The following CFAP100 variants were observed in gnomAD, a reference collection of about 807,000 sequenced individuals.
The protein encoded by CFAP100 is cilia and flagella associated protein 100.
Under a neutral mutation model 81.5 loss-of-function variants are expected in CFAP100, and 70 were observed. The ratio of observed to expected loss-of-function variants is 0.86; its 90% CI spans 0.71 to 1.05. The LOEUF is 1.05. Ranked by LOEUF, CFAP100 falls within the 50% of genes least tolerant of loss-of-function variation. The probability of loss-of-function intolerance (pLI) is 0.00; values close to 1 mark genes in which losing one functional copy is unlikely to be tolerated. For missense variants in CFAP100, 811 were observed against 776.5 expected (o/e 1.04, Z -0.53); for synonymous variants, 341 against 314.8 (o/e 1.08, Z -0.88).
rs1321830720 is a variant in CFAP100 at position 126,420,239 on chromosome 3, C to T, written c.1082+10C>T. Reference sequence around the variant, plus strand: ...GTGGCGACTCCAGAGGGTGAGTGGGCTCGGGTGGTTGGGAGGGGCTGAGGC... The same window carrying T: ...GTGGCGACTCCAGAGGGTGAGTGGGTTCGGGTGGTTGGGAGGGGCTGAGGC... On this transcript the variant is annotated intron_variant, in intron 11 of 16. Coordinates refer to ENST00000352312, the MANE Select transcript of CFAP100 (RefSeq NM_182628.3). 1.2e-6 allele frequency: 2 copies of T among 1,610,018 alleles called. No individual in the cohort carries two copies. Among genetic ancestry groups the T allele is most frequent in the Admixed American group, 3.3e-5 (2 of 59,782 alleles).
At chr3:126,399,986 G>T (rs962081411) in intron 2 of CFAP100, among the ~76,000 whole-genome samples, 1 of 152,088 alleles carries the variant, frequency 6.6e-6, no homozygotes, top group African/African-American at 2.4e-5. Context: ...CCGGCTCAGC[G>T]GCTGGCCATT....
At position 126,433,095 on chromosome 3, in the gene CFAP100, A is replaced by G. The variant is rs758348156; in HGVS notation, c.1313A>G (p.Gln438Arg). The change falls in exon 14 of 17, where the codon CAG becomes CGG. Residue 438 changes from glutamine to arginine, a missense_variant. By Grantham distance (43) the Gln-to-Arg change is conservative (BLOSUM62 1). Transcript: ENST00000352312. ...RMDREVNQLK[Q>R]WVTTMMMSIT... is the part of the protein sequence containing the mutation. ...GACAGGGAGGTCAACCAGCTGAAGCAGTGGGTCACCACAATGATGATGTCC... is the reference window on the plus strand; with the variant it reads ...GACAGGGAGGTCAACCAGCTGAAGCGGTGGGTCACCACAATGATGATGTCC... The G allele has an allele frequency of 2.5e-6, 4 of 1,614,064 alleles. No individual in the cohort carries two copies. The East Asian group carries it at 6.7e-5, about 27-fold the overall frequency.
Position 126,434,263 on chromosome 3 carries a change from G to A in CFAP100, c.1510G>A (p.Val504Met), listed in dbSNP as rs778286422. The part of the protein sequence containing the change: ...GTQQEANLGT[V>M]QMLTIIEHQL... ...CCAGCAGGAGGCCAACCTGGGCACC[G>A]TGCAGATGCTGACCATCATTGAGCA... The change falls in exon 15 of 17, where the codon GTG becomes ATG. Residue 504 changes from valine (V) to methionine (M), a missense_variant. Transcript: ENST00000352312. 48 of 1,613,906 alleles carry A rather than the reference G, an allele frequency of 3.0e-5. No individual in the cohort carries two copies. Among genetic ancestry groups the A allele is most frequent in the African/African-American group, 2.0e-4 (15 of 74,942 alleles).
intron 13 of CFAP100, among the ~76,000 whole-genome samples, chr3:126,424,529 G>T (rs1400636448): frequency 6.6e-6 from 1 of 152,250 alleles, no homozygotes; most frequent in Non-Finnish European, 1.5e-5. Flanking sequence ...CAGGAGAACT[G>T]GGCAGGGCAG....
chr3:126,429,140 G>A (rs985807363), intron 13 of CFAP100, among the ~76,000 whole-genome samples: 2 of 147,506 alleles, frequency 1.4e-5, no homozygotes. Flanking sequence ...AAAAAGAAAG[G>A]ATTACTGTTA....
In CFAP100 at chr3:126,423,640, C is replaced by T. The variant is rs765644982; in HGVS notation, c.1282C>T (p.Arg428Cys). 3.8e-5 allele frequency: 61 copies of T among 1,614,090 alleles called. No homozygotes were observed. The highest frequency in any genetic ancestry group is 1.1e-4 in the African/African-American group (8 of 74,954). ...LSHTLKHTQI[R>C]MDREVNQLKQ... ...CCACACCCTGAAACACACCCAGATC[C>T]GCATGTAGGTGCTATGCGGTGGCCA... Residue 428 changes from arginine to cysteine, a missense_variant, in exon 13 of 17, where the codon CGC becomes TGC. Physicochemically the swap from Arg to Cys is radical, Grantham distance 180 (BLOSUM62 -3). Coordinates refer to ENST00000352312, the MANE Select transcript of CFAP100 (RefSeq NM_182628.3).
chr3:126,422,038 T>C (rs575496276), intron 11 of CFAP100, among the ~76,000 whole-genome samples: 302 of 152,304 alleles, frequency 2.0e-3, no homozygotes, highest in African/African-American at 6.9e-3. Context: ...CTGTCCTGGG[T>C]TTCAATCCTG....
intron 13 of CFAP100, among the ~76,000 whole-genome samples, chr3:126,429,977 AT>A (rs1342072457): frequency 1.3e-5 from 2 of 152,168 alleles, no homozygotes; most frequent in African/African-American, 4.8e-5. Context: ...TACTTTAAAT[AT>A]ATCAACCCGT....
At chr3:126,398,981 A>G (rs1160937338) in intron 2 of CFAP100, among the ~76,000 whole-genome samples, 1 of 151,976 alleles carries the variant, frequency 6.6e-6, no homozygotes, top group Non-Finnish European at 1.5e-5. Flanking sequence ...GTTCACTCCC[A>G]CTCAGTGTCT....
intron 3 of CFAP100, among the ~76,000 whole-genome samples, chr3:126,409,262 T>C (rs1338047345): frequency 6.6e-6 from 1 of 152,218 alleles, no homozygotes; most frequent in African/African-American, 2.4e-5. Context: ...TCGCACACTG[T>C]CTATCCTTTC....
rs776606616 is a variant in CFAP100, at chr3:126,405,676, A to AAATAAATG, written c.50-1489_50-1488insGAATAAAT. Among the ~76,000 whole-genome samples the AAATAAATG allele has an allele frequency of 1.9e-3, 296 of 152,250 alleles. 1 individual carries two copies. Among genetic ancestry groups the AAATAAATG allele is most frequent in the Middle Eastern group, 6.8e-3 (2 of 294 alleles). ...AGATGCCATCTCAAAATAAATAAATAAATAAATAAAATGTATATAGGTAGC... is the reference window on the plus strand; with the variant it reads ...AGATGCCATCTCAAAATAAATAAATAAATAAATGAATAAATAAAATGTATATAGGTAGC... On this transcript the variant is annotated intron_variant, in intron 2 of 16. Coordinates refer to ENST00000352312, the MANE Select transcript of CFAP100 (RefSeq NM_182628.3).
rs1042064190 is a variant in CFAP100 at position 126,419,173 on chromosome 3, T to C, written c.731+17T>C. 1 of 1,508,722 alleles carries C rather than the reference T, an allele frequency of 6.6e-7. No homozygotes were observed. Among genetic ancestry groups the C allele is most frequent in the Non-Finnish European group, 8.9e-7 (1 of 1,117,626 alleles). 93.5% of individuals were successfully genotyped at this position (1,508,722 alleles called of 1,614,324 possible). The stretch of plus-strand genomic sequence containing the variant: ...TATCAAAAGGTGAGGTCAGAGGGCA[T>C]GCTGGCCATTGGCTGGCCCACCTCC... On this transcript the variant is annotated intron_variant, in intron 8 of 16. Transcript: ENST00000352312.
At position 126,418,711 on chromosome 3, in the gene CFAP100, A is replaced by C. The variant is rs763064616; in HGVS notation, c.587A>C (p.Asp196Ala). The change falls in exon 7 of 17, where the codon GAC becomes GCC. Residue 196 changes from aspartate to alanine, a missense_variant. Asp to Ala is a moderately radical substitution (Grantham distance 126). Coordinates refer to ENST00000352312, the MANE Select transcript of CFAP100 (RefSeq NM_182628.3). Reference sequence around the variant, plus strand: ...CGGGCCGAGAAATCCCTGGAGAAGGACGCCGCCTTGTTCGACGAGTTCGTC... The same window carrying C: ...CGGGCCGAGAAATCCCTGGAGAAGGCCGCCGCCTTGTTCGACGAGTTCGTC... ...LERAEKSLEK[D>A]AALFDEFVRE... is the part of the protein sequence containing the mutation. 6 of 1,591,878 alleles carry C rather than the reference A, an allele frequency of 3.8e-6. No homozygotes were observed. Among genetic ancestry groups the C allele is most frequent in the East Asian group, 2.3e-5 (1 of 43,954 alleles).
At position 126,416,461 on chromosome 3, in the gene CFAP100, A is replaced by C; in HGVS notation, c.371A>C (p.Gln124Pro). 1 of 1,608,036 alleles carries C rather than the reference A, an allele frequency of 6.2e-7. No homozygotes were observed. The highest frequency in any genetic ancestry group is 8.5e-7 in the Non-Finnish European group (1 of 1,177,790). ...GAGGCGCGCGCCGAGGCCGAGCATC[A>C]GCGCGCCTTCCGCGACTACACGACC... Reference protein sequence around the residue: ...DLEARAEAEHQRAFRDYTTWK... With the variant: ...DLEARAEAEHPRAFRDYTTWK... The change falls in exon 5 of 17, where the codon CAG becomes CCG. Residue 124 changes from glutamine to proline, a missense_variant. Transcript: ENST00000352312.
intron 15 of CFAP100, 125 bp downstream of exon 15, chr3:126,434,506 G>A: frequency 2.2e-6 from 2 of 920,626 alleles, no homozygotes; most frequent in Non-Finnish European, 3.2e-6. Context: ...TGCTATGAGA[G>A]ACAAAAGCCC....
chr3:126,432,302 A>AG (rs1482911511), intron 13 of CFAP100, among the ~76,000 whole-genome samples: 1 of 151,548 alleles, frequency 6.6e-6, no homozygotes, highest in East Asian at 1.9e-4. Flanking sequence ...AAAAAAAAAA[A>AG]AAGGAAAAAA....
chr3:126,420,219 G>T lies in CFAP100; in HGVS notation c.1072G>T (p.Asp358Tyr), dbSNP rs377186686. 1 of 1,612,164 alleles carries T rather than the reference G, an allele frequency of 6.2e-7. No individual in the cohort carries two copies. Among genetic ancestry groups the T allele is most frequent in the Middle Eastern group, 1.9e-4 (1 of 5,338 alleles). The change falls in exon 11 of 17, where the codon GAC (aspartate) becomes TAC (tyrosine). Residue 358 changes from aspartate to tyrosine, a missense_variant. By Grantham distance (160) the Asp-to-Tyr change is radical (BLOSUM62 -3). Coordinates refer to ENST00000352312, the MANE Select transcript of CFAP100 (RefSeq NM_182628.3). ...GSQPSESSGG[D>Y]SRGSNSPIPP... ...CCAGCCCAGCGAGTCCAGCGGTGGC[G>T]ACTCCAGAGGGTGAGTGGGCTCGGG...
intron 13 of CFAP100, among the ~76,000 whole-genome samples, chr3:126,426,369 G>A (rs1022732476): frequency 1.3e-5 from 2 of 151,486 alleles, no homozygotes; most frequent in Admixed American, 1.3e-4. Context: ...AGGCTGAGGT[G>A]CAAGGATCAC....
At chr3:126,432,993 C>T (rs773211100) in intron 13 of CFAP100, 76 bp from the exon 14 acceptor site, 6 of 1,567,334 alleles carry the variant, frequency 3.8e-6, no homozygotes, top group Non-Finnish European at 5.2e-6. Context: ...AAGCACTGTA[C>T]AGACAGGCTC....
Sources: gnomAD v4.1 joint callset for allele counts (sites outside exome capture counted in the v4.1 genomes callset) on GRCh38, gnomAD v4.1.1 for gene constraint, MANE v1.5 for transcripts, NCBI Gene and HGNC (gene_info 2026-07-23, HGNC 2026-07-21) for gene names.